Variants in PTMA observed in about 807,000 individuals in gnomAD.
The protein encoded by PTMA is gene sequence 28.
Under a neutral mutation model 16.9 loss-of-function variants are expected in PTMA, and 4 were observed. The ratio of observed to expected loss-of-function variants is 0.24; its 90% CI spans 0.12 to 0.54. The LOEUF (loss-of-function observed/expected upper bound fraction) is 0.54, where lower values mean the gene tolerates loss of function less well. Ranked by LOEUF, PTMA falls within the 20% of genes least tolerant of loss-of-function variation. The pLI is 0.95. For synonymous variants in PTMA, 58 were observed against 47.9 expected (o/e 1.21, Z -0.87); for missense variants, 120 against 137.7 (o/e 0.87, Z 0.64).
intron 1 of PTMA, among the ~76,000 whole-genome samples, chr2:231,709,310 T>C (rs1189573821): frequency 6.6e-6 from 1 of 151,686 alleles, no homozygotes; most frequent in Non-Finnish European, 1.5e-5. Context: ...GGCGACGGGC[T>C]GGCTGGCCGC....
intron 1 of PTMA, chr2:231,710,003 G>T: frequency 9.0e-7 from 1 of 1,108,168 alleles, no homozygotes; most frequent in Admixed American, 4.3e-5. Flanking sequence ...TGAGTTTGTG[G>T]GGTGAGAACA....
chr2:231,710,549 C>A (rs577314285), intron 1 of PTMA: 1 of 644,852 alleles, frequency 1.6e-6, no homozygotes, highest in Non-Finnish European at 2.5e-6. Flanking sequence ...CGGACAGCGG[C>A]CGAGGGGTTC....
chr2:231,712,715 G>T, intron 4 of PTMA, 89 bp from the exon 5 acceptor site: 1 of 1,486,042 alleles, frequency 6.7e-7, no homozygotes, highest in Non-Finnish European at 9.1e-7. Context: ...GGGGGTCCCT[G>T]GTTCTTGCTC....
chr2:231,709,409 G>A (rs1477858327), intron 1 of PTMA, among the ~76,000 whole-genome samples: 2 of 152,202 alleles, frequency 1.3e-5, no homozygotes, highest in African/African-American at 2.4e-5. Flanking sequence ...AGGTGAGTGC[G>A]CCGGGAGCGG....
At chr2:231,711,164 GC>G (rs2048513632) in intron 1 of PTMA, 183 bp from the exon 2 acceptor site, 1 of 531,170 alleles carries the variant, frequency 1.9e-6, no homozygotes, top group African/African-American at 1.9e-5. Flanking sequence ...GATGCCCCCC[GC>G]CGGCCTTCCT....
At chr2:231,710,501 G>A (rs1215701370) in intron 1 of PTMA, 2 of 1,004,596 alleles carry the variant, frequency 2.0e-6, no homozygotes, top group South Asian at 1.4e-5. Context: ...GGGGCGGGCC[G>A]GACTGAGAGG....
Position 231,711,968 on chromosome 2 carries a change from G to C in PTMA, c.196G>C (p.Glu66Gln), listed in dbSNP as rs1420158889. Reference protein sequence around the residue: ...EEEGGEEEEEEEEGDGEEEDG... With the variant: ...EEEGGEEEEEQEEGDGEEEDG... ...AGAAGGTGGGGAGGAAGAGGAGGAG[G>C]AAGAAGAAGGTGATGGTGAGTAGCC... is the stretch of plus-strand genomic sequence containing the variant. Residue 66 changes from glutamate to glutamine, a missense_variant, in exon 3 of 5, where the codon GAA becomes CAA. Physicochemically the swap from Glu to Gln is conservative, Grantham distance 29. Transcript: ENST00000409115. 6.3e-7 allele frequency: 1 copy of C among 1,577,616 alleles called. No homozygotes were observed. Among genetic ancestry groups the C allele is most frequent in the Non-Finnish European group, 8.6e-7 (1 of 1,161,220 alleles).
In PTMA at chr2:231,708,619, C is replaced by T; in HGVS notation, c.-88C>T. On this transcript the variant is annotated 5_prime_UTR_variant, in exon 1 of 5. Transcript: ENST00000409115. ...CCTCCGCCGCGCGCCTCCTCCGCCG[C>T]CGCGGACTCCGGCAGCTTTATCGCC... The T allele has an allele frequency of 6.4e-7, 1 of 1,557,502 alleles. No homozygotes were observed. Among genetic ancestry groups the T allele is most frequent in the Non-Finnish European group, 8.7e-7 (1 of 1,145,162 alleles).
At chr2:231,709,253 C>G (rs1449369645) in intron 1 of PTMA, among the ~76,000 whole-genome samples, 1 of 152,142 alleles carries the variant, frequency 6.6e-6, no homozygotes, top group Admixed American at 6.5e-5. Context: ...CGCCCTGCAG[C>G]GGACCTGAGG....
rs1302229104 is a variant in PTMA at position 231,710,475 on chromosome 2, G to T, written c.46-873G>T. On this transcript the variant is annotated intron_variant, in intron 1 of 4. Coordinates refer to ENST00000409115, the MANE Select transcript of PTMA (RefSeq NM_002823.5). ...GGGGGCGAGAGCGGGCGGAGCCGGG[G>T]TCCGCGGAGCGGAGCGGGGCGGGCC... The T allele has an allele frequency of 3.6e-5, 39 of 1,077,598 alleles. 1 individual carries two copies. Among genetic ancestry groups the T allele is most frequent in the Non-Finnish European group, 4.5e-5 (38 of 848,572 alleles). The allele number at this position is 1,077,598 out of a possible 1,614,324, so 66.8% of individuals were successfully genotyped here.
At chr2:231,712,625 C>A in intron 4 of PTMA, 109 bp downstream of exon 4, 2 of 1,357,800 alleles carry the variant, frequency 1.5e-6, no homozygotes, top group Non-Finnish European at 2.1e-6. Context: ...TGTAGGTGGC[C>A]ACTGTGTGGT....
intron 2 of PTMA, chr2:231,711,683 A>G: frequency 1.0e-6 from 1 of 973,770 alleles, no homozygotes; most frequent in Non-Finnish European, 1.5e-6. Context: ...AGGGTGGGGA[A>G]AAGCCCTTGT....
At chr2:231,710,769 G>A (rs918636826) in intron 1 of PTMA, 7 of 327,824 alleles carry the variant, frequency 2.1e-5, no homozygotes, top group South Asian at 1.1e-4. Context: ...GCAGCGGTTT[G>A]CGGCCTCTAG....
rs1277479483 is a variant in PTMA, at chr2:231,713,001, C to T, written c.*150C>T. Reference sequence around the variant, plus strand: ...GGCAGTGCCACCCGCAGATGACACGCGCTCTCCACCACCCAACCCAAACCA... The same window carrying T: ...GGCAGTGCCACCCGCAGATGACACGTGCTCTCCACCACCCAACCCAAACCA... On this transcript the variant is annotated 3_prime_UTR_variant, in exon 5 of 5. Transcript: ENST00000409115. The T allele has an allele frequency of 2.9e-5, 21 of 734,344 alleles. No homozygotes were observed. Among genetic ancestry groups the T allele is most frequent in the South Asian group, 7.7e-5 (4 of 51,854 alleles). The allele number at this position is 734,344 out of a possible 1,614,324, so 45.5% of individuals were successfully genotyped here.
At chr2:231,710,347 C>T (rs1055133727) in intron 1 of PTMA, 41 of 1,211,824 alleles carry the variant, frequency 3.4e-5, no homozygotes, top group Non-Finnish European at 4.1e-5. Flanking sequence ...TCCCTGCGCG[C>T]GGTGCGTGCC....
intron 1 of PTMA, among the ~76,000 whole-genome samples, chr2:231,709,609 G>A (rs1559282879): frequency 2.6e-5 from 4 of 152,194 alleles, no homozygotes; most frequent in East Asian, 1.9e-4. Context: ...GCCGCGACAG[G>A]CCAATGGTAG....
In PTMA at chr2:231,713,230, T is replaced by C. The variant is rs938748360; in HGVS notation, c.*379T>C. 4.3e-6 allele frequency: 2 copies of C among 464,202 alleles called. No individual in the cohort carries two copies. Among genetic ancestry groups the C allele is most frequent in the Middle Eastern group, 6.7e-4 (1 of 1,490 alleles). 28.8% of individuals were successfully genotyped at this position (464,202 alleles called of 1,614,324 possible). ...GCGTTCTCTGTCCTACTTCTGACTT[T>C]ACTTGTGGTGTGACCATGTTCATTA... On this transcript the variant is annotated 3_prime_UTR_variant, in exon 5 of 5. Transcript: ENST00000409115.
In PTMA at chr2:231,712,369, C is replaced by T. The variant is rs2048529651; in HGVS notation, c.212-74C>T. 4 of 1,488,720 alleles carry T rather than the reference C, an allele frequency of 2.7e-6. No homozygotes were observed. The South Asian group carries it at 3.4e-5, about 13-fold the overall frequency. The allele number at this position is 1,488,720 out of a possible 1,614,324, so 92.2% of individuals were successfully genotyped here. A position where few individuals can be genotyped will look rare whatever the true frequency, so the allele number is the denominator to read the frequency against. ...AGGGCAGGGACCTTGCAGTCCACTA[C>T]ATGTTCCTCGGGATTTCCCCAGGAG... On this transcript the variant is annotated intron_variant, in intron 3 of 4. Coordinates refer to ENST00000409115, the MANE Select transcript of PTMA (RefSeq NM_002823.5).
At chr2:231,711,821 C>A in intron 2 of PTMA, 69 bp from the exon 3 acceptor site, 1 of 1,581,662 alleles carries the variant, frequency 6.3e-7, no homozygotes, top group Non-Finnish European at 8.6e-7. Context: ...GGAGGCCGGG[C>A]ATCAGGAGCA....
Sources: gnomAD v4.1 joint callset for allele counts (sites outside exome capture counted in the v4.1 genomes callset) on GRCh38, gnomAD v4.1.1 for gene constraint, MANE v1.5 for transcripts, NCBI Gene and HGNC (gene_info 2026-07-23, HGNC 2026-07-21) for gene names.